TSPAN14: variants seen among roughly 807,000 people sequenced by gnomAD.
TSPAN14 encodes the protein tetraspanin-14.
Under a neutral mutation model 36.6 loss-of-function variants are expected in TSPAN14, and 16 were observed. That is an observed-to-expected ratio of 0.44 (90% CI 0.30 to 0.66). The LOEUF is 0.66. Ranked by LOEUF, TSPAN14 falls within the 30% of genes least tolerant of loss-of-function variation. TSPAN14 has a pLI of 0.12. For missense variants in TSPAN14, 231 were observed against 355.1 expected, an observed-to-expected ratio of 0.65 and a Z score of 2.81; for synonymous variants, 139 against 143.8, an observed-to-expected ratio of 0.97 and a Z score of 0.24.
Position 80,518,145 on chromosome 10 carries a change from C to T in TSPAN14, c.*169C>T, listed in dbSNP as rs187249796. The T allele has an allele frequency of 9.6e-5, 68 of 705,620 alleles. 1 individual carries two copies. The Middle Eastern group carries it at 1.6e-3, about 16-fold the overall frequency. 43.7% of individuals were successfully genotyped at this position (705,620 alleles called of 1,614,324 possible). ...GTTTCTGCTTGCTGGTGCTGAAGAC[C>T]AAGGGTCCCCCTTGTTACCTGCCCA... On this transcript the variant is annotated 3_prime_UTR_variant, in exon 9 of 9. Transcript: ENST00000429989.
chr10:80,505,168 C>CAGGGA (rs1840214830), intron 3 of TSPAN14, among the ~76,000 whole-genome samples: 1 of 152,222 alleles, frequency 6.6e-6, no homozygotes, highest in Non-Finnish European at 1.5e-5. Flanking sequence ...GAGCAGGCAG[C>CAGGGA]AGGGAGCGGG....
chr10:80,511,470 G>C (rs940851485), intron 5 of TSPAN14, among the ~76,000 whole-genome samples: 5 of 152,168 alleles, frequency 3.3e-5, no homozygotes, highest in Admixed American at 6.5e-5. Flanking sequence ...ACAAAGGAGA[G>C]GACGCCACTC....
chr10:80,474,577 G>A (rs942577062), intron 1 of TSPAN14, among the ~76,000 whole-genome samples: 4 of 152,064 alleles, frequency 2.6e-5, no homozygotes, highest in South Asian at 2.1e-4. Context: ...TCCATGCTTT[G>A]TCTGGTATTT....
chr10:80,491,584 G>T (rs182665113), intron 2 of TSPAN14, among the ~76,000 whole-genome samples: 2 of 152,286 alleles, frequency 1.3e-5, no homozygotes, highest in East Asian at 3.9e-4. Flanking sequence ...TTTCTTCAGA[G>T]GGTTTCAGGA....
rs1156315948 is a variant in TSPAN14, at chr10:80,514,024, A to T, written c.582A>T (p.Lys194Asn). 1 of 1,613,930 alleles carries T rather than the reference A, an allele frequency of 6.2e-7. No homozygotes were observed. Among genetic ancestry groups the T allele is most frequent in the South Asian group, 1.1e-5 (1 of 90,960 alleles). ...TTTTTCTGCTTTTCTTGCAGCAAAAAGTTGTGAACACACAGTGTGGATATG... is the reference window on the plus strand; with the variant it reads ...TTTTTCTGCTTTTCTTGCAGCAAAATGTTGTGAACACACAGTGTGGATATG... The change falls in exon 7 of 9, where the codon AAA becomes AAT. Residue 194 changes from lysine to asparagine, a missense_variant. Lys to Asn is a moderately conservative substitution (Grantham distance 94, BLOSUM62 0). Coordinates refer to ENST00000429989, the Ensembl canonical transcript of TSPAN14.
chr10:80,459,902 C>T (rs1213544959), intron 1 of TSPAN14, among the ~76,000 whole-genome samples: 1 of 152,122 alleles, frequency 6.6e-6, no homozygotes, highest in Non-Finnish European at 1.5e-5. Context: ...CTCCTGTGTC[C>T]CTGGGCCAGG....
At chr10:80,502,063 CAG>C (rs1848552645) in intron 2 of TSPAN14, among the ~76,000 whole-genome samples, 1 of 152,190 alleles carries the variant, frequency 6.6e-6, no homozygotes, top group African/African-American at 2.4e-5. Context: ...CAGTTCCACT[CAG>C]GGTGGTAAAA....
intron 1 of TSPAN14, among the ~76,000 whole-genome samples, chr10:80,469,073 A>G (rs1846395503): frequency 1.4e-5 from 2 of 147,610 alleles, no homozygotes; most frequent in Admixed American, 6.7e-5. Flanking sequence ...GGTGCCGGGG[A>G]TGTCTTGGAA....
chr10:80,507,082 G>A (rs747646845), intron 3 of TSPAN14, 146 bp from the exon 4 acceptor site: 14 of 1,063,728 alleles, frequency 1.3e-5, no homozygotes, highest in Non-Finnish European at 1.8e-5. Flanking sequence ...GGGCATGGAT[G>A]GGGCCGGACT....
At chr10:80,472,042 G>A (rs138869889) in intron 1 of TSPAN14, among the ~76,000 whole-genome samples, 2 of 152,118 alleles carry the variant, frequency 1.3e-5, no homozygotes, top group Admixed American at 6.5e-5. Flanking sequence ...GTGCACTGAG[G>A]TAGGAGGATC....
At chr10:80,514,193 A>G (rs1329784189) in intron 7 of TSPAN14, 130 bp downstream of exon 7, 1 of 808,522 alleles carries the variant, frequency 1.2e-6, no homozygotes, top group Admixed American at 2.2e-5. Flanking sequence ...GATGCCACCT[A>G]AGCTGAGCAT....
At chr10:80,476,926 G>T (rs1846949480) in intron 1 of TSPAN14, among the ~76,000 whole-genome samples, 1 of 152,152 alleles carries the variant, frequency 6.6e-6, no homozygotes, top group Admixed American at 6.5e-5. Flanking sequence ...TGTTGGCAGG[G>T]CTGTGCTTCT....
At chr10:80,515,740 G>T (rs1242872508) in intron 7 of TSPAN14, 2 of 165,030 alleles carry the variant, frequency 1.2e-5, no homozygotes, top group Non-Finnish European at 2.7e-5. Flanking sequence ...GTTGGCTGGC[G>T]ACTGTTGCCT....
At chr10:80,497,667 G>A (rs556438734) in intron 2 of TSPAN14, among the ~76,000 whole-genome samples, 6 of 152,170 alleles carry the variant, frequency 3.9e-5, no homozygotes, top group Non-Finnish European at 8.8e-5. Context: ...TCCCTTGAAT[G>A]GCTGTGCTCC....
chr10:80,507,479 G>C, intron 4 of TSPAN14, 105 bp downstream of exon 4: 1 of 1,501,046 alleles, frequency 6.7e-7, no homozygotes, highest in African/African-American at 1.4e-5. Flanking sequence ...GCTCTTAGGA[G>C]CCTCCCCTAG....
intron 4 of TSPAN14, among the ~76,000 whole-genome samples, chr10:80,507,889 G>A (rs890065357): frequency 3.3e-5 from 5 of 152,068 alleles, no homozygotes; most frequent in East Asian, 3.9e-4. Flanking sequence ...AACACCTGGT[G>A]GGGAAAACAC....
intron 1 of TSPAN14, among the ~76,000 whole-genome samples, chr10:80,459,895 C>CT (rs1368494131): frequency 3.3e-5 from 5 of 152,166 alleles, no homozygotes; most frequent in African/African-American, 1.2e-4. Context: ...GGGTCCTCTC[C>CT]TGTGTCCCTG....
At chr10:80,512,301 C>G in intron 6 of TSPAN14, 32 bp downstream of exon 6, 1 of 1,611,452 alleles carries the variant, frequency 6.2e-7, no homozygotes, top group Non-Finnish European at 8.5e-7. Flanking sequence ...CACAGGGAGC[C>G]CGCCCTTCCT....
intron 1 of TSPAN14, among the ~76,000 whole-genome samples, chr10:80,455,367 G>A (rs1845690050): frequency 1.3e-5 from 2 of 152,160 alleles, no homozygotes; most frequent in South Asian, 4.1e-4. Context: ...TATCCGGGAG[G>A]TCAGGCGGTG....
Sources: gnomAD v4.1 joint callset for allele counts (sites outside exome capture counted in the v4.1 genomes callset) on GRCh38, gnomAD v4.1.1 for gene constraint, MANE v1.5 for transcripts, NCBI Gene and HGNC (gene_info 2026-07-23, HGNC 2026-07-21) for gene names.